ATXN2: variants seen among roughly 807,000 people sequenced by gnomAD.
The protein encoded by ATXN2 is ataxin 2.
ATXN2 carries 37 observed loss-of-function variants against 138.6 expected under a neutral mutation model. The ratio of observed to expected loss-of-function variants is 0.27; its 90% CI spans 0.21 to 0.35. ATXN2 has a LOEUF of 0.35. Ranked by LOEUF, ATXN2 falls within the 10% of genes least tolerant of loss-of-function variation. The probability of loss-of-function intolerance (pLI) is 1.00; values close to 1 mark genes in which losing one functional copy is unlikely to be tolerated. For missense variants in ATXN2, 1,216 were observed against 1,480.3 expected (o/e 0.82, Z 2.93); for synonymous variants, 549 against 543.7 (o/e 1.01, Z -0.13).
chr12:111,498,955 G>A (rs1878590127), intron 14 of ATXN2, among the ~76,000 whole-genome samples: 2 of 152,112 alleles, frequency 1.3e-5, no homozygotes, highest in Admixed American at 1.3e-4. Context: ...GGAAAGGACA[G>A]TCTCTTCAAT....
At chr12:111,480,553 T>C (rs1566015805) in intron 18 of ATXN2, among the ~76,000 whole-genome samples, 1 of 152,154 alleles carries the variant, frequency 6.6e-6, no homozygotes, top group Non-Finnish European at 1.5e-5. Context: ...CGCACCCCTG[T>C]AATTCCAGCT....
chr12:111,552,322 C>A lies in ATXN2; in HGVS notation c.529G>T (p.Val177Leu). The change falls in exon 5 of 25, where the codon GTG becomes TTG. Residue 177 changes from valine to leucine, a missense_variant. Val to Leu is a conservative substitution (Grantham distance 32). Coordinates refer to ENST00000673436, the MANE Select transcript of ATXN2 (RefSeq NM_001372574.1). This position sits in a 1 kb window ranked among gnomAD's most constrained non-coding sequence, Gnocchi z 4.1. ...GAGTCCATATCTTTAAACTGTACCACAACAAAGTCTGAACATTTGAACAAA... is the reference window on the plus strand; with the variant it reads ...GAGTCCATATCTTTAAACTGTACCAAAACAAAGTCTGAACATTTGAACAAA... ...SILFKCSDFVVVQFKDMDSSY... is the reference protein window; with the variant it reads ...SILFKCSDFVLVQFKDMDSSY... 6.2e-7 allele frequency: 1 copy of A among 1,613,334 alleles called. No homozygotes were observed. The highest frequency in any genetic ancestry group is 8.5e-7 in the Non-Finnish European group (1 of 1,179,730).
intron 18 of ATXN2, among the ~76,000 whole-genome samples, chr12:111,483,660 A>G (rs1158999337): frequency 6.6e-6 from 1 of 151,908 alleles, no homozygotes; most frequent in Non-Finnish European, 1.5e-5. Flanking sequence ...CCTGGCCAAA[A>G]GATTTCCTTT....
Position 111,598,178 on chromosome 12 carries a change from G to C in ATXN2, c.251+606C>G, listed in dbSNP as rs1410671569. ...GGGGTGCGGGGGCCAAGGCCCACTT[G>C]TCTCCACCCCGTCCTCCGATCTTTC... On this transcript the variant is annotated intron_variant, in intron 1 of 24. Coordinates refer to ENST00000673436, the MANE Select transcript of ATXN2 (RefSeq NM_001372574.1). This position sits in a 1 kb window ranked among gnomAD's most constrained non-coding sequence, Gnocchi z 4.5. The C allele has an allele frequency of 1.9e-6, 2 of 1,069,654 alleles. No individual in the cohort carries two copies. Among genetic ancestry groups the C allele is most frequent in the African/African-American group, 3.3e-5 (2 of 60,006 alleles). 66.3% of individuals were successfully genotyped at this position (1,069,654 alleles called of 1,614,324 possible).
chr12:111,455,916 AGGCAAAT>A, intron 23 of ATXN2, 106 bp downstream of exon 23: 1 of 1,015,460 alleles, frequency 9.8e-7, no homozygotes, highest in Non-Finnish European at 1.6e-6. Context: ...AAAGGGAGAC[AGGCAAAT>A]GGCATGACAC....
chr12:111,518,567 G>T, intron 8 of ATXN2, 140 bp from the exon 9 acceptor site: 1 of 817,858 alleles, frequency 1.2e-6, no homozygotes, highest in Non-Finnish European at 1.8e-6. Flanking sequence ...ACTCCCAGAT[G>T]CCCCTGTTCT....
chr12:111,513,268 A>G, intron 11 of ATXN2, 89 bp downstream of exon 11: 2 of 1,434,486 alleles, frequency 1.4e-6, no homozygotes, highest in South Asian at 1.3e-5. Context: ...ACATACTTAC[A>G]CTTCCTCAAA....
At chr12:111,585,021 C>T (rs1343373542) in intron 1 of ATXN2, among the ~76,000 whole-genome samples, 1 of 152,146 alleles carries the variant, frequency 6.6e-6, no homozygotes. Flanking sequence ...TCTAAAAATG[C>T]TTGTCATAAT....
At chr12:111,533,695 T>G (rs1365274527) in intron 5 of ATXN2, among the ~76,000 whole-genome samples, 1 of 152,148 alleles carries the variant, frequency 6.6e-6, no homozygotes, top group African/African-American at 2.4e-5. Flanking sequence ...CCAGCTAATT[T>G]TTTGTACTTA....
In ATXN2 at chr12:111,573,042, AT is replaced by A. The variant is rs111439205; in HGVS notation, c.252-17124del. 5.7e-3 allele frequency among the ~76,000 whole-genome samples: 855 copies of A among 149,800 alleles called. 1 individual carries two copies. Among genetic ancestry groups the A allele is most frequent in the African/African-American group, 0.012 (488 of 41,046 alleles). On this transcript the variant is annotated intron_variant, in intron 1 of 24. Coordinates refer to ENST00000673436, the MANE Select transcript of ATXN2 (RefSeq NM_001372574.1). ...TATGATGTTGTTTCCAAATTTCAAA[AT>A]TTTAAAAAAAAAAAAATTATAAACA...
intron 14 of ATXN2, among the ~76,000 whole-genome samples, chr12:111,508,879 G>A (rs1389932796): frequency 6.6e-6 from 1 of 152,174 alleles, no homozygotes; most frequent in Non-Finnish European, 1.5e-5. Context: ...TTAACATTTA[G>A]AAAGCTAAAA....
chr12:111,510,346 C>A (rs764499820), intron 12 of ATXN2, 39 bp downstream of exon 12: 1 of 1,582,420 alleles, frequency 6.3e-7, no homozygotes. Flanking sequence ...TTCAATTTCA[C>A]AGCTGAGATT....
Position 111,453,014 on chromosome 12 carries a change from G to A in ATXN2, c.3440-174C>T. On this transcript the variant is annotated intron_variant, in intron 24 of 24. Transcript: ENST00000673436. The surrounding 1 kb of genome is among the most constrained non-coding windows in gnomAD (Gnocchi z 5.4). Reference sequence around the variant, plus strand: ...AAAGTGGGGAGGGTTGGGTGGGTGGGTAGAAACAAACCAGTCAGACGTAAA... The same window carrying A: ...AAAGTGGGGAGGGTTGGGTGGGTGGATAGAAACAAACCAGTCAGACGTAAA... The A allele has an allele frequency of 2.1e-6, 1 of 471,090 alleles. No individual in the cohort carries two copies. Among genetic ancestry groups the A allele is most frequent in the South Asian group, 4.5e-5 (1 of 22,366 alleles). The allele number at this position is 471,090 out of a possible 1,614,324, so 29.2% of individuals were successfully genotyped here.
intron 23 of ATXN2, chr12:111,454,060 G>C (rs1227281428): frequency 2.0e-6 from 1 of 503,422 alleles, no homozygotes; most frequent in Non-Finnish European, 3.5e-6. Context: ...CAGGGAGCAG[G>C]CAACAAGTGA....
chr12:111,592,165 G>A (rs1055283640), intron 1 of ATXN2, among the ~76,000 whole-genome samples: 2 of 151,880 alleles, frequency 1.3e-5, no homozygotes, highest in African/African-American at 4.8e-5. Flanking sequence ...CGAGGCAAGC[G>A]AATCACCTGA....
At chr12:111,597,205 T>C (rs1249057685) in intron 1 of ATXN2, among the ~76,000 whole-genome samples, 1 of 152,140 alleles carries the variant, frequency 6.6e-6, no homozygotes, top group Non-Finnish European at 1.5e-5. Flanking sequence ...TCCGCCCCCT[T>C]TGAAGGCAGC....
chr12:111,486,679 T>C, intron 16 of ATXN2, 82 bp downstream of exon 16: 2 of 1,179,382 alleles, frequency 1.7e-6, no homozygotes, highest in Non-Finnish European at 2.5e-6. Context: ...AAAATTCAGA[T>C]GGCAGGTATG....
intron 1 of ATXN2, among the ~76,000 whole-genome samples, chr12:111,576,591 C>G (rs1489680731): frequency 6.6e-6 from 1 of 152,004 alleles, no homozygotes; most frequent in Non-Finnish European, 1.5e-5. Context: ...TCAAGAGATT[C>G]TCCTGCCTCA....
At chr12:111,557,962 T>C (rs544494450) in intron 1 of ATXN2, among the ~76,000 whole-genome samples, 119 of 152,326 alleles carry the variant, frequency 7.8e-4, no homozygotes, top group African/African-American at 2.6e-3. Flanking sequence ...CCTACAAAGC[T>C]ATATAAAAGA....
Sources: gnomAD v4.1 joint callset for allele counts (sites outside exome capture counted in the v4.1 genomes callset) on GRCh38, gnomAD v4.1.1 for gene constraint, Gnocchi (gnomAD v3.1) non-coding constraint, MANE v1.5 for transcripts, NCBI Gene and HGNC (gene_info 2026-07-23, HGNC 2026-07-21) for gene names.